Variants in DMD observed in about 807,000 individuals in gnomAD.
DMD encodes mutant dystrophin.
Under a neutral mutation model 330.1 loss-of-function variants are expected in DMD, and 63 were observed. That is an observed-to-expected ratio of 0.19 (90% CI 0.16 to 0.24). DMD has a LOEUF of 0.24. Among genes scored for constraint, DMD ranks in the 10% least tolerant of loss-of-function variants. The pLI is 1.00. For missense variants in DMD, 3,344 were observed against 2,684.1 expected, an observed-to-expected ratio of 1.25 and a Z score of -5.43; for synonymous variants, 1,223 against 959.8, an observed-to-expected ratio of 1.27 and a Z score of -5.07.
intron 44 of DMD, among the ~76,000 whole-genome samples, chrX:32,039,639 C>T (rs1377164759): frequency 1.2e-4 from 13 of 111,684 alleles, no homozygotes; most frequent in East Asian, 2.8e-4. Context: ...TCCAAATAAA[C>T]GATATAGAAC....
At chrX:33,045,340 A>ACACACACACACACACACACAC (rs1569551361) in intron 1 of DMD, among the ~76,000 whole-genome samples, 3 of 109,111 alleles carry the variant, frequency 2.7e-5, no homozygotes, top group Admixed American at 9.8e-5. Context: ...ACACACACAC[A>ACACACACACACACACACACAC]AGTATTTCGT....
At chrX:32,729,664 G>T (rs940498194) in intron 7 of DMD, among the ~76,000 whole-genome samples, 6 of 111,834 alleles carry the variant, frequency 5.4e-5, no homozygotes, top group Non-Finnish European at 9.4e-5. Context: ...ATTTAATAGA[G>T]TATCATAGAT....
intron 9 of DMD, among the ~76,000 whole-genome samples, chrX:32,674,766 G>A (rs2061858867): frequency 9.0e-6 from 1 of 111,178 alleles, no homozygotes; most frequent in Non-Finnish European, 1.9e-5. Context: ...AAGCCGGTCT[G>A]TATGAGTTCG....
chrX:31,192,494 A>T (rs1200296423), intron 67 of DMD, among the ~76,000 whole-genome samples: 1 of 111,960 alleles, frequency 8.9e-6, no homozygotes, highest in Non-Finnish European at 1.9e-5. Flanking sequence ...TATGTACAAG[A>T]CTGTTTTCTA....
intron 16 of DMD, among the ~76,000 whole-genome samples, chrX:32,553,807 G>A (rs1279376701): frequency 8.9e-6 from 1 of 111,912 alleles, no homozygotes; most frequent in Non-Finnish European, 1.9e-5. Context: ...GGCCTGGTGG[G>A]AGGGGACTGA....
intron 53 of DMD, among the ~76,000 whole-genome samples, chrX:31,670,800 G>C (rs6527110): frequency 0.41 from 45,277 of 110,199 alleles, 7,565 homozygotes; most frequent in African/African-American, 0.62. Context: ...ATCTTAACTT[G>C]ACTGCATCTG....
intron 60 of DMD, among the ~76,000 whole-genome samples, chrX:31,389,786 T>C (rs2060612542): frequency 8.9e-6 from 1 of 112,389 alleles, no homozygotes; most frequent in South Asian, 3.7e-4. Context: ...TCCTTTGTTT[T>C]TCTACCATCT....
At chrX:32,560,543 G>C (rs4829123) in intron 16 of DMD, among the ~76,000 whole-genome samples, 48,289 of 109,192 alleles carry the variant, frequency 0.44, 8,275 homozygotes, top group African/African-American at 0.6. Flanking sequence ...AGACCCATTA[G>C]GTAGATATTG....
intron 16 of DMD, among the ~76,000 whole-genome samples, chrX:32,548,698 A>C (rs1166415752): frequency 2.7e-5 from 3 of 111,912 alleles, no homozygotes; most frequent in Non-Finnish European, 5.7e-5. Flanking sequence ...GTTCTTCTAT[A>C]AGATATTATC....
intron 55 of DMD, among the ~76,000 whole-genome samples, chrX:31,517,918 AACACACACACACACACACACACACACAC>A (rs372551324): frequency 1.1e-5 from 1 of 89,621 alleles, no homozygotes; most frequent in Admixed American, 1.3e-4. Context: ...CTGTGTTTCA[AACACACACACACACACACACACACACAC>A]ACACACACAC....
chrX:32,976,153 G>A (rs1031295458), intron 2 of DMD, among the ~76,000 whole-genome samples: 6 of 110,059 alleles, frequency 5.5e-5, no homozygotes, highest in Non-Finnish European at 9.5e-5. Flanking sequence ...GCTGGGAGGC[G>A]GAGGTTGCAG....
chrX:32,407,486 A>T (rs1464715876), intron 30 of DMD, among the ~76,000 whole-genome samples: 1 of 111,173 alleles, frequency 9.0e-6, no homozygotes, highest in Non-Finnish European at 1.9e-5. Context: ...GGTGCTGGAG[A>T]GGATGTGGAG....
intron 62 of DMD, among the ~76,000 whole-genome samples, chrX:31,275,340 G>A (rs2404503): frequency 9.0e-6 from 1 of 111,189 alleles, no homozygotes; most frequent in Non-Finnish European, 1.9e-5. Flanking sequence ...AGGCTTTTTA[G>A]GAATTCAAAA....
At chrX:31,213,155 T>C (rs1486166686) in intron 64 of DMD, among the ~76,000 whole-genome samples, 5 of 112,562 alleles carry the variant, frequency 4.4e-5, no homozygotes, top group Admixed American at 9.3e-5. Flanking sequence ...AGAAAGTCAA[T>C]GCACTTTGAT....
chrX:31,468,613 G>C (rs1318975226), intron 59 of DMD, among the ~76,000 whole-genome samples: 1 of 111,803 alleles, frequency 8.9e-6, no homozygotes, highest in Non-Finnish European at 1.9e-5. Context: ...TAAGTGTGAT[G>C]TGGTGCTGAG....
At position 32,731,867 on chromosome X, in the gene DMD, A is replaced by T. The variant is rs747929285; in HGVS notation, c.650-32574T>A. The stretch of plus-strand genomic sequence containing the variant: ...AAAAGCAGAGCACCTCTCCTCCTCC[A>T]AAGGAACACAGTTCCTCACTAGCAA... On this transcript the variant is annotated intron_variant, in intron 7 of 78. Coordinates refer to ENST00000357033, the MANE Select transcript of DMD (RefSeq NM_004006.3). Among the ~76,000 whole-genome samples the T allele has an allele frequency of 2.7e-5, 3 of 112,321 alleles. No individual in the cohort carries two copies. The South Asian group carries it at 1.1e-3, about 41-fold the overall frequency.
intron 4 of DMD, among the ~76,000 whole-genome samples, 187 bp from the exon 5 acceptor site, chrX:32,823,574 G>A (rs370591650): frequency 9.0e-6 from 1 of 111,458 alleles, no homozygotes; most frequent in Non-Finnish European, 1.9e-5. Context: ...TAACAAACAA[G>A]CACCCCAAAT....
chrX:31,572,551 C>T (rs1000143298), intron 55 of DMD, among the ~76,000 whole-genome samples: 11 of 112,009 alleles, frequency 9.8e-5, no homozygotes, highest in South Asian at 3.7e-4. Context: ...ATAATTCCCC[C>T]GTTGGAAGCA....
intron 31 of DMD, 62 bp downstream of exon 31, chrX:32,390,009 A>G: frequency 2.2e-6 from 2 of 898,614 alleles, no homozygotes; most frequent in South Asian, 2.0e-5. Context: ...AAGTTGTCCA[A>G]TATAGACTGG....
Sources: allele counts gnomAD v4.1 joint callset (sites outside exome capture counted in the v4.1 genomes callset), GRCh38; gene constraint gnomAD v4.1.1; transcripts MANE v1.5; gene names NCBI Gene and HGNC (gene_info 2026-07-23, HGNC 2026-07-21).